LITAF: variants seen among roughly 807,000 people sequenced by gnomAD.
LITAF encodes the protein lipopolysaccharide-induced tumor necrosis factor-alpha factor.
A neutral mutation model predicts 14.5 loss-of-function variants in LITAF; 9 were observed. That is an observed-to-expected ratio of 0.62 (90% CI 0.37 to 1.08). LITAF has a LOEUF of 1.08. Among genes scored for constraint, LITAF ranks in the 50% least tolerant of loss-of-function variants. The pLI, the probability that LITAF is intolerant of heterozygous loss-of-function variation, is 0.01. For missense variants in LITAF, 206 were observed against 213.4 expected, an observed-to-expected ratio of 0.97 and a Z score of 0.22; for synonymous variants, 98 against 88.2, an observed-to-expected ratio of 1.11 and a Z score of -0.62.
intron 1 of LITAF, among the ~76,000 whole-genome samples, chr16:11,579,222 C>G (rs186038827): frequency 1.3e-5 from 2 of 151,644 alleles, no homozygotes; most frequent in Non-Finnish European, 2.9e-5. Context: ...GAGGCCGAGG[C>G]AGGTGGATCA....
intron 1 of LITAF, among the ~76,000 whole-genome samples, chr16:11,564,955 GGAAGTTGATGGTTGCACAATGCTAC>G (rs1438843782): frequency 1.3e-5 from 2 of 151,614 alleles, no homozygotes; most frequent in African/African-American, 4.8e-5. Flanking sequence ...GGAACCAGAT[GGAAGTTGATGGTTGCACAATGCTAC>G]GAACTTACTA....
upstream of LITAF, among the ~76,000 whole-genome samples, chr16:11,638,022 ATC>A (rs1436380018): frequency 8.9e-4 from 80 of 89,538 alleles, 5 homozygotes; most frequent in African/African-American, 2.9e-3. Context: ...ATCTATATAT[ATC>A]TATATATCTA....
intron 1 of LITAF, among the ~76,000 whole-genome samples, chr16:11,594,487 G>C (rs1007653804): frequency 6.6e-6 from 1 of 152,212 alleles, no homozygotes; most frequent in Admixed American, 6.5e-5. Flanking sequence ...GGAAAAACTG[G>C]TTCCCTAAAA....
upstream of LITAF, among the ~76,000 whole-genome samples, chr16:11,602,691 G>A (rs2141866881): frequency 6.8e-6 from 1 of 147,356 alleles, no homozygotes; most frequent in Admixed American, 6.9e-5. Flanking sequence ...AGTTACACTT[G>A]TGTTTTATTT....
intron 3 of LITAF, among the ~76,000 whole-genome samples, chr16:11,610,274 C>T (rs1429355808): frequency 6.6e-6 from 1 of 152,256 alleles, no homozygotes. Context: ...AAATGTCTGT[C>T]TTCTTTCAGG....
intron 1 of LITAF, among the ~76,000 whole-genome samples, chr16:11,593,488 A>G (rs1330759103): frequency 2.0e-5 from 3 of 152,160 alleles, no homozygotes; most frequent in Admixed American, 6.5e-5. Context: ...AGGTATATAC[A>G]CAAAAAAACT....
chr16:11,608,845 C>G (rs767718226), intron 3 of LITAF, among the ~76,000 whole-genome samples: 16 of 152,302 alleles, frequency 1.1e-4, no homozygotes, highest in Middle Eastern at 3.4e-3. Context: ...TGTCTCTAGT[C>G]TCAGCTACTC....
chr16:11,569,417 T>A (rs549864849), intron 1 of LITAF, among the ~76,000 whole-genome samples: 2 of 152,244 alleles, frequency 1.3e-5, no homozygotes, highest in Non-Finnish European at 2.9e-5. Context: ...ATTTTTAATT[T>A]TTTTTGTAGG....
At position 11,558,949 on chromosome 16, in the gene LITAF, T is replaced by C. The variant is rs1166508461; in HGVS notation, c.-5-2214A>G. On this transcript the variant is annotated intron_variant, in intron 1 of 3. Coordinates refer to ENST00000622633, the MANE Select transcript of LITAF (RefSeq NM_001136472.2). This position sits in a 1 kb window ranked among gnomAD's most constrained non-coding sequence, Gnocchi z 4.1. ...ACCAGTCACGTAAGGTTATTGGGCG[T>C]CTAAAATGTGGCTTGTGGCCGGGCA... Among the ~76,000 whole-genome samples, 1 of 151,936 alleles carries C rather than the reference T, an allele frequency of 6.6e-6. No individual in the cohort carries two copies. Among genetic ancestry groups the C allele is most frequent in the East Asian group, 1.9e-4 (1 of 5,174 alleles).
In LITAF at chr16:11,586,712, C is replaced by A. The variant is rs1210440296; in HGVS notation, c.-6+174G>T. On this transcript the variant is annotated intron_variant, in intron 1 of 3. Transcript: ENST00000622633. This position sits in a 1 kb window ranked among gnomAD's most constrained non-coding sequence, Gnocchi z 6.5. Reference sequence around the variant, plus strand: ...GAGGCCGGACCCCGCCCCGGCCGGGCCCCCACGCCCTCCGCCGCGCCTCGA... The same window carrying A: ...GAGGCCGGACCCCGCCCCGGCCGGGACCCCACGCCCTCCGCCGCGCCTCGA... Among the ~76,000 whole-genome samples the A allele has an allele frequency of 6.6e-6, 1 of 151,572 alleles. No homozygotes were observed. Among genetic ancestry groups the A allele is most frequent in the African/African-American group, 2.4e-5 (1 of 41,374 alleles).
intron 3 of LITAF, among the ~76,000 whole-genome samples, chr16:11,627,646 C>A (rs146126536): frequency 0.026 from 3,919 of 152,280 alleles, 65 homozygotes; most frequent in Middle Eastern, 0.048. Context: ...CAGTTCGAGA[C>A]CAGCCTGGCC....
In LITAF at chr16:11,632,564, G is replaced by A. The variant is rs2065123190; in HGVS notation, c.85+969C>T. On this transcript the variant is annotated intron_variant, in intron 3 of 3. Transcript: ENST00000574848. The surrounding 1 kb of genome is among the most constrained non-coding windows in gnomAD (Gnocchi z 4.8). ...AGCAGATCACTGCCAGCCGGCCCCT[G>A]TGGGCTCTTTGGCCTGCGCTCCCTG... Among the ~76,000 whole-genome samples, 1 of 152,254 alleles carries A rather than the reference G, an allele frequency of 6.6e-6. No homozygotes were observed. Among genetic ancestry groups the A allele is most frequent in the Non-Finnish European group, 1.5e-5 (1 of 68,032 alleles).
intron 1 of LITAF, among the ~76,000 whole-genome samples, chr16:11,577,230 G>A (rs9929603): frequency 0.16 from 24,004 of 152,020 alleles, 2,014 homozygotes; most frequent in South Asian, 0.23. Flanking sequence ...TGACATCCTT[G>A]CACAGCTGAG....
In LITAF at chr16:11,549,582, G is replaced by T; in HGVS notation, c.*55C>A. ...ACCTCCACCAGGCGTGAAGCTGGATGAGAGGTGGAAAGGACTTCCTGCGGC... is the reference window on the plus strand; with the variant it reads ...ACCTCCACCAGGCGTGAAGCTGGATTAGAGGTGGAAAGGACTTCCTGCGGC... On this transcript the variant is annotated 3_prime_UTR_variant, in exon 4 of 4. Coordinates refer to ENST00000622633, the MANE Select transcript of LITAF (RefSeq NM_001136472.2). This position sits in a 1 kb window ranked among gnomAD's most constrained non-coding sequence, Gnocchi z 4.6. The T allele has an allele frequency of 7.6e-7, 1 of 1,318,062 alleles. No homozygotes were observed. The highest frequency in any genetic ancestry group is 1.1e-6 in the Non-Finnish European group (1 of 925,572). The allele number at this position is 1,318,062 out of a possible 1,614,324, so 81.6% of individuals were successfully genotyped here.
At chr16:11,584,476 G>A (rs8048558) in intron 1 of LITAF, 21,433 of 152,110 alleles carry the variant, frequency 0.14, 1,742 homozygotes, top group South Asian at 0.23. Context: ...GGCTGGAAAC[G>A]CCTTCCAGCT....
chr16:11,640,087 T>C (rs1484179252), upstream of LITAF, among the ~76,000 whole-genome samples: 3 of 152,166 alleles, frequency 2.0e-5, no homozygotes, highest in Admixed American at 6.5e-5. Context: ...AATGTGTCGA[T>C]GTGGATAACC....
At chr16:11,601,979 T>C (rs912786454), upstream of LITAF, among the ~76,000 whole-genome samples, 5 of 152,090 alleles carry the variant, frequency 3.3e-5, no homozygotes, top group African/African-American at 9.7e-5. Flanking sequence ...ATGACCTCAA[T>C]AGTGATAGCC....
At chr16:11,583,384 G>A (rs568512717) in intron 1 of LITAF, among the ~76,000 whole-genome samples, 1 of 152,308 alleles carries the variant, frequency 6.6e-6, no homozygotes, top group South Asian at 2.1e-4. Flanking sequence ...GACTCCTGGT[G>A]AAACCACATC....
chr16:11,569,963 G>C (rs1007550675), intron 1 of LITAF, among the ~76,000 whole-genome samples: 1 of 151,388 alleles, frequency 6.6e-6, no homozygotes, highest in Non-Finnish European at 1.5e-5. Context: ...CCTGGGAAGC[G>C]GAGATTGCAG....
Sources: gnomAD v4.1 joint callset for allele counts (sites outside exome capture counted in the v4.1 genomes callset) on GRCh38, gnomAD v4.1.1 for gene constraint, Gnocchi (gnomAD v3.1) non-coding constraint, MANE v1.5 for transcripts, NCBI Gene and HGNC (gene_info 2026-07-23, HGNC 2026-07-21) for gene names.